NUDT3: variants seen among roughly 807,000 people sequenced by gnomAD.
NUDT3 encodes the protein nudix hydrolase 3.
A neutral mutation model predicts 23.6 loss-of-function variants in NUDT3; 9 were observed. The ratio of observed to expected loss-of-function variants is 0.38; its 90% CI spans 0.23 to 0.66. The LOEUF (loss-of-function observed/expected upper bound fraction) is 0.66. NUDT3 is among the 30% of genes least tolerant of loss of function. The probability of loss-of-function intolerance (pLI) is 0.52; values close to 1 mark genes in which losing one functional copy is unlikely to be tolerated. For synonymous variants in NUDT3, 86 were observed against 82.6 expected (o/e 1.04, Z -0.22); for missense variants, 172 against 218.5 (o/e 0.79, Z 1.34).
Position 34,282,760 on chromosome 6 carries a change from C to T in NUDT3, c.*5993G>A, listed in dbSNP as rs1763292646. 1 of 152,070 alleles carries T rather than the reference C, an allele frequency of 6.6e-6. No individual in the cohort carries two copies. Among genetic ancestry groups the T allele is most frequent in the Admixed American group, 6.5e-5 (1 of 15,268 alleles). 9.4% of individuals were successfully genotyped at this position (152,070 alleles called of 1,614,324 possible). A position where few individuals can be genotyped will look rare whatever the true frequency, so the allele number is the denominator to read the frequency against. On this transcript the variant is annotated 3_prime_UTR_variant, in exon 5 of 5. Coordinates refer to ENST00000607016, the MANE Select transcript of NUDT3 (RefSeq NM_006703.4). ...ACGACAATGCTGCTGTTTTTGTATC[C>T]TTTAAAGCCTATATCCAGGGTTTTA...
At chr6:34,329,818 G>A (rs1385828276) in intron 2 of NUDT3, among the ~76,000 whole-genome samples, 1 of 152,066 alleles carries the variant, frequency 6.6e-6, no homozygotes, top group Non-Finnish European at 1.5e-5. Context: ...CCCCATGGCA[G>A]GCCCTGGTGT....
At chr6:34,331,288 CT>C (rs537474751) in intron 2 of NUDT3, among the ~76,000 whole-genome samples, 16,331 of 138,674 alleles carry the variant, frequency 0.12, 2,140 homozygotes, top group African/African-American at 0.33. Context: ...TTCAAACTTT[CT>C]TTTTTTTTTT....
intron 2 of NUDT3, among the ~76,000 whole-genome samples, chr6:34,309,629 A>C (rs910890620): frequency 6.6e-6 from 1 of 152,044 alleles, no homozygotes; most frequent in Admixed American, 6.6e-5. Flanking sequence ...AAAAAGCCTA[A>C]AAGTATACAA....
chr6:34,352,001 C>A (rs1208310426), intron 1 of NUDT3, among the ~76,000 whole-genome samples: 1 of 151,812 alleles, frequency 6.6e-6, no homozygotes, highest in Non-Finnish European at 1.5e-5. Context: ...TCAAGACCCA[C>A]ATGGGCAACA....
At chr6:34,305,349 T>C (rs1763664462) in intron 2 of NUDT3, among the ~76,000 whole-genome samples, 1 of 152,156 alleles carries the variant, frequency 6.6e-6, no homozygotes, top group Admixed American at 6.5e-5. Flanking sequence ...TTTTCAGATC[T>C]TTCTGTTTGT....
intron 3 of NUDT3, among the ~76,000 whole-genome samples, chr6:34,293,889 A>C (rs1185093827): frequency 6.6e-6 from 1 of 152,178 alleles, no homozygotes; most frequent in Admixed American, 6.5e-5. Flanking sequence ...CAGAGGTCTC[A>C]AACTTCAGTG....
At chr6:34,344,320 C>T (rs906107490) in intron 1 of NUDT3, among the ~76,000 whole-genome samples, 1 of 151,908 alleles carries the variant, frequency 6.6e-6, no homozygotes, top group Non-Finnish European at 1.5e-5. Flanking sequence ...AATGAATAAA[C>T]AAAATGTGGC....
Position 34,279,954 on chromosome 6 carries a change from G to A in NUDT3, c.*8799C>T, listed in dbSNP as rs1047656017. 7.1e-4 allele frequency: 108 copies of A among 152,336 alleles called. No individual in the cohort carries two copies. The highest frequency in any genetic ancestry group is 2.6e-3 in the African/African-American group (106 of 41,546). The allele number at this position is 152,336 out of a possible 1,614,324, so 9.4% of individuals were successfully genotyped here. A position where few individuals can be genotyped will look rare whatever the true frequency, so the allele number is the denominator to read the frequency against. The stretch of plus-strand genomic sequence containing the variant: ...ACATAAGGGATACATTAGTAAAGTA[G>A]GGAAAGGGTTATATGTGTGGCTGGC... On this transcript the variant is annotated 3_prime_UTR_variant, in exon 5 of 5. Coordinates refer to ENST00000607016, the MANE Select transcript of NUDT3 (RefSeq NM_006703.4).
intron 1 of NUDT3, among the ~76,000 whole-genome samples, chr6:34,360,293 G>A (rs1389878290): frequency 4.2e-5 from 6 of 143,814 alleles, no homozygotes; most frequent in African/African-American, 1.3e-4. Context: ...CAAAACAAAC[G>A]CCGGGCACAG....
At chr6:34,358,489 TC>T (rs1417255005) in intron 1 of NUDT3, among the ~76,000 whole-genome samples, 63 of 152,120 alleles carry the variant, frequency 4.1e-4, no homozygotes, top group Non-Finnish European at 5.1e-4. Context: ...GGTTCCTAAC[TC>T]CATCCTATGG....
intron 2 of NUDT3, among the ~76,000 whole-genome samples, chr6:34,298,366 A>G (rs1336910255): frequency 6.6e-6 from 1 of 152,232 alleles, no homozygotes; most frequent in African/African-American, 2.4e-5. Context: ...TCTCAAAAAA[A>G]CAAAACAAAA....
intron 1 of NUDT3, among the ~76,000 whole-genome samples, chr6:34,353,416 C>T (rs1036085648): frequency 4.0e-5 from 6 of 150,784 alleles, no homozygotes; most frequent in Non-Finnish European, 7.4e-5. Flanking sequence ...TCTTGTTTTA[C>T]TTACCTATAC....
intron 1 of NUDT3, among the ~76,000 whole-genome samples, chr6:34,363,864 C>G (rs1333778962): frequency 6.6e-6 from 1 of 152,048 alleles, no homozygotes; most frequent in Non-Finnish European, 1.5e-5. Context: ...CCTCCTCCTC[C>G]CAGGTTTAAG....
At chr6:34,299,560 G>A (rs1377295992) in intron 2 of NUDT3, among the ~76,000 whole-genome samples, 1 of 151,532 alleles carries the variant, frequency 6.6e-6, no homozygotes, top group Non-Finnish European at 1.5e-5. Flanking sequence ...AAGTAGCTGG[G>A]GCTATAGGCA....
chr6:34,321,439 A>G (rs1423302090), intron 2 of NUDT3, among the ~76,000 whole-genome samples: 2 of 152,120 alleles, frequency 1.3e-5, no homozygotes, highest in East Asian at 3.8e-4. Flanking sequence ...CTCCATCTCA[A>G]AAATAATAAT....
intron 2 of NUDT3, among the ~76,000 whole-genome samples, chr6:34,305,954 T>C (rs1158739879): frequency 1.3e-5 from 2 of 152,246 alleles, no homozygotes; most frequent in African/African-American, 4.8e-5. Context: ...GGTTATGTTC[T>C]TATCCTTCCA....
At chr6:34,292,178 G>A (rs1196823272) in intron 4 of NUDT3, among the ~76,000 whole-genome samples, 1 of 152,164 alleles carries the variant, frequency 6.6e-6, no homozygotes, top group Admixed American at 6.5e-5. Flanking sequence ...CTGTTAGGGA[G>A]TCTGTTTTCA....
intron 1 of NUDT3, among the ~76,000 whole-genome samples, chr6:34,346,643 C>G (rs1253596628): frequency 6.6e-6 from 1 of 152,012 alleles, no homozygotes; most frequent in African/African-American, 2.4e-5. Context: ...GGAAGCAAGC[C>G]TCATTAGTTT....
At chr6:34,368,958 A>G (rs1764785897) in intron 1 of NUDT3, among the ~76,000 whole-genome samples, 1 of 152,110 alleles carries the variant, frequency 6.6e-6, no homozygotes, top group South Asian at 2.1e-4. Context: ...TCTGTTTAAT[A>G]AGTAATTCAT....
Sources: allele counts gnomAD v4.1 joint callset (sites outside exome capture counted in the v4.1 genomes callset), GRCh38; gene constraint gnomAD v4.1.1; transcripts MANE v1.5; gene names NCBI Gene and HGNC (gene_info 2026-07-23, HGNC 2026-07-21).